STAU2: variants seen among roughly 807,000 people sequenced by gnomAD.
The protein encoded by STAU2 is double-stranded RNA-binding protein Staufen homolog 2.
Under a neutral mutation model 65.9 loss-of-function variants are expected in STAU2, and 20 were observed. That is an observed-to-expected ratio of 0.30 (90% confidence interval 0.21 to 0.44). STAU2 has a LOEUF of 0.44. Among genes scored for constraint, STAU2 ranks in the 20% least tolerant of loss-of-function variants. The pLI is 1.00. For synonymous variants in STAU2, 232 were observed against 233.9 expected, an observed-to-expected ratio of 0.99 and a Z score of 0.07; for missense variants, 558 against 683.9, an observed-to-expected ratio of 0.82 and a Z score of 2.05.
intron 4 of STAU2, among the ~76,000 whole-genome samples, chr8:73,689,024 T>C (rs1257367984): frequency 6.6e-6 from 1 of 152,182 alleles, no homozygotes; most frequent in Admixed American, 6.5e-5. Flanking sequence ...AAAAGCTTAG[T>C]AGCAGATCTA....
At chr8:73,513,282 CTTAT>C (rs1822517115) in intron 13 of STAU2, among the ~76,000 whole-genome samples, 1 of 151,954 alleles carries the variant, frequency 6.6e-6, no homozygotes, top group Non-Finnish European at 1.5e-5. Flanking sequence ...TTTTTTAAAA[CTTAT>C]TTTTGTTTTT....
chr8:73,464,600 G>GCACACACA (rs770126004), intron 13 of STAU2, among the ~76,000 whole-genome samples: 2 of 101,886 alleles, frequency 2.0e-5, no homozygotes, highest in African/African-American at 7.5e-5. Flanking sequence ...GTGTGCACGC[G>GCACACACA]CACACACACA....
intron 9 of STAU2, among the ~76,000 whole-genome samples, chr8:73,610,217 A>C (rs1436164160): frequency 6.8e-6 from 1 of 148,128 alleles, no homozygotes; most frequent in South Asian, 2.4e-4. Context: ...TCAAAGCTGC[A>C]GTGAGCTGAG....
chr8:73,559,201 C>A (rs1012835779), intron 12 of STAU2, among the ~76,000 whole-genome samples: 1 of 152,172 alleles, frequency 6.6e-6, no homozygotes, highest in Admixed American at 6.5e-5. Context: ...CGGGTACATG[C>A]AACCTCTTTG....
At chr8:73,563,151 AG>A (rs1206104972) in intron 12 of STAU2, among the ~76,000 whole-genome samples, 1 of 152,188 alleles carries the variant, frequency 6.6e-6, no homozygotes, top group Non-Finnish European at 1.5e-5. Context: ...AAAGGCAGAG[AG>A]GGACTTTCAC....
intron 11 of STAU2, among the ~76,000 whole-genome samples, chr8:73,588,180 A>T (rs1030029898): frequency 3.3e-5 from 5 of 152,200 alleles, no homozygotes; most frequent in Admixed American, 2.0e-4. Context: ...CCCTTTAGAG[A>T]CCTGAGATTA....
intron 13 of STAU2, among the ~76,000 whole-genome samples, chr8:73,482,281 T>C (rs960207669): frequency 1.3e-5 from 2 of 151,894 alleles, no homozygotes; most frequent in African/African-American, 2.4e-5. Flanking sequence ...GGGGCCACCA[T>C]AGCTACTGGC....
chr8:73,637,923 AGGGTTTCTAAAATTTTCATAATCAGT>A (rs543412429), intron 6 of STAU2, among the ~76,000 whole-genome samples: 1 of 152,160 alleles, frequency 6.6e-6, no homozygotes, highest in East Asian at 1.9e-4. Flanking sequence ...ATATGGTTGC[AGGGTTTCTAAAATTTTCATAATCAGT>A]TTAGAAAAAA....
At chr8:73,422,540 CATT>C in intron 14 of STAU2, 71 bp downstream of exon 14, 4 of 1,178,352 alleles carry the variant, frequency 3.4e-6, no homozygotes, top group Non-Finnish European at 4.6e-6. Context: ...CTTTTTAAAA[CATT>C]ATTATCTATG....
intron 3 of STAU2, among the ~76,000 whole-genome samples, chr8:73,716,036 TC>T (rs1458225112): frequency 2.6e-5 from 4 of 151,578 alleles, no homozygotes; most frequent in Non-Finnish European, 5.9e-5. Context: ...TGCCTCAGCC[TC>T]CTGAGTAGCT....
At chr8:73,523,514 TACC>T (rs1369549879) in intron 13 of STAU2, among the ~76,000 whole-genome samples, 16 of 152,282 alleles carry the variant, frequency 1.1e-4, no homozygotes, top group South Asian at 4.1e-4. Flanking sequence ...GTCATGTTTC[TACC>T]ACCACAATTA....
At position 73,500,540 on chromosome 8, in the gene STAU2, T is replaced by C. The variant is rs1037444807; in HGVS notation, c.1530+51472A>G. Among the ~76,000 whole-genome samples the C allele has an allele frequency of 1.3e-5, 2 of 151,846 alleles. 1 individual carries two copies. The highest frequency in any genetic ancestry group is 4.1e-4 in the South Asian group (2 of 4,828). On this transcript the variant is annotated intron_variant, in intron 13 of 14. Coordinates refer to ENST00000524300, the MANE Select transcript of STAU2 (RefSeq NM_001164380.2). Reference sequence around the variant, plus strand: ...AACTATGCTTGTTTCTGCCAGTGATTAGTAAAAAAAATATTGTTGGCCCTG... The same window carrying C: ...AACTATGCTTGTTTCTGCCAGTGATCAGTAAAAAAAATATTGTTGGCCCTG...
intron 12 of STAU2, among the ~76,000 whole-genome samples, chr8:73,552,621 G>C (rs750152895): frequency 1.3e-5 from 2 of 152,078 alleles, no homozygotes; most frequent in Non-Finnish European, 2.9e-5. Context: ...AAGTATAATG[G>C]GGCAGAAAAT....
chr8:73,732,476 C>T (rs538450287), intron 3 of STAU2: 1 of 152,310 alleles, frequency 6.6e-6, no homozygotes, highest in African/African-American at 2.4e-5. Context: ...AAGCTGGCTA[C>T]ATATAAAATA....
At chr8:73,669,346 C>T (rs982311649) in intron 6 of STAU2, among the ~76,000 whole-genome samples, 1 of 152,118 alleles carries the variant, frequency 6.6e-6, no homozygotes, top group Middle Eastern at 3.2e-3. Context: ...AAGGCACATC[C>T]TTTATTTATG....
intron 13 of STAU2, among the ~76,000 whole-genome samples, chr8:73,535,285 T>G (rs1215786649): frequency 6.6e-6 from 1 of 152,172 alleles, no homozygotes; most frequent in African/African-American, 2.4e-5. Flanking sequence ...TTCTCCTGCC[T>G]CAGCCTCCCA....
intron 8 of STAU2, among the ~76,000 whole-genome samples, chr8:73,614,603 G>T (rs1812699921): frequency 6.6e-6 from 1 of 152,038 alleles, no homozygotes; most frequent in Non-Finnish European, 1.5e-5. Context: ...CCTAAACCTT[G>T]TTTAATCTGC....
chr8:73,510,340 G>C (rs564816885), intron 13 of STAU2, among the ~76,000 whole-genome samples: 2 of 152,206 alleles, frequency 1.3e-5, no homozygotes, highest in South Asian at 4.1e-4. Context: ...AAAGTGCTGG[G>C]ATTACAGGCG....
intron 13 of STAU2, among the ~76,000 whole-genome samples, chr8:73,430,253 A>C (rs1817161597): frequency 1.3e-5 from 2 of 152,206 alleles, no homozygotes; most frequent in African/African-American, 4.8e-5. Context: ...CTGGGATTGC[A>C]AAGGTGAAGC....
Sources: allele counts gnomAD v4.1 joint callset (sites outside exome capture counted in the v4.1 genomes callset), GRCh38; gene constraint gnomAD v4.1.1; transcripts MANE v1.5; gene names NCBI Gene and HGNC (gene_info 2026-07-23, HGNC 2026-07-21).